Variants in APLF observed in about 807,000 individuals in gnomAD.
The protein encoded by APLF is aprataxin and PNKP like factor.
Under a neutral mutation model 55.6 loss-of-function variants are expected in APLF, and 61 were observed. The ratio of observed to expected loss-of-function variants is 1.10; its 90% CI spans 0.89 to 1.36. The LOEUF (loss-of-function observed/expected upper bound fraction) is 1.36, where lower values mean the gene tolerates loss of function less well. APLF is among the 40% of genes most tolerant of loss of function. The pLI is 0.00. For missense variants in APLF, 611 were observed against 602.5 expected (o/e 1.01, Z -0.15); for synonymous variants, 207 against 214.8 (o/e 0.96, Z 0.32).
intron 6 of APLF, chr2:68,528,665 G>A (rs200015662): frequency 0.029 from 43,921 of 1,508,812 alleles, 638 homozygotes; most frequent in Non-Finnish European, 0.035. Context: ...GGAGCAGCCC[G>A]GAACTGGGGC....
chr2:68,538,342 G>T, intron 7 of APLF, 115 bp downstream of exon 7: 1 of 880,424 alleles, frequency 1.1e-6, no homozygotes, highest in Non-Finnish European at 1.7e-6. Context: ...AAAGGTTAGG[G>T]GCTTTATCGT....
At chr2:68,486,340 G>A (rs1676174287) in intron 1 of APLF, among the ~76,000 whole-genome samples, 1 of 152,122 alleles carries the variant, frequency 6.6e-6, no homozygotes, top group African/African-American at 2.4e-5. Context: ...TCCCTGAGAA[G>A]TGGTGCCTTT....
At chr2:68,573,795 G>A (rs115756324) in intron 9 of APLF, among the ~76,000 whole-genome samples, 2,597 of 151,722 alleles carry the variant, frequency 0.017, 41 homozygotes, top group Non-Finnish European at 0.025. Context: ...CTCTTAAACT[G>A]TGCTATTTTA....
In APLF at chr2:68,475,744, T is replaced by C. The variant is rs926747224; in HGVS notation, c.96+7917T>C. Among the ~76,000 whole-genome samples, 4 of 152,284 alleles carry C rather than the reference T, an allele frequency of 2.6e-5. No individual in the cohort carries two copies. In the East Asian group the frequency reaches 7.7e-4, roughly 29 times the overall value. ...AATAAGACCGACCTCTTATCAAATA[T>C]TATGGCAGAGTCTCAGCATAGATGA... is the stretch of plus-strand genomic sequence containing the variant. On this transcript the variant is annotated intron_variant, in intron 1 of 9. Transcript: ENST00000303795.
chr2:68,515,402 G>A (rs1051604370), intron 5 of APLF, among the ~76,000 whole-genome samples: 2 of 151,666 alleles, frequency 1.3e-5, no homozygotes, highest in African/African-American at 4.8e-5. Flanking sequence ...TCCCTCAGTA[G>A]AATAATTTCT....
chr2:68,478,872 C>T (rs768177561), intron 1 of APLF, among the ~76,000 whole-genome samples: 2 of 152,116 alleles, frequency 1.3e-5, no homozygotes, highest in Non-Finnish European at 2.9e-5. Context: ...GGTGCTAACC[C>T]CTGAGACTTG....
At chr2:68,507,984 G>A (rs886512843) in intron 3 of APLF, among the ~76,000 whole-genome samples, 45 of 151,580 alleles carry the variant, frequency 3.0e-4, no homozygotes, top group African/African-American at 8.7e-4. Flanking sequence ...TGATGAAAAT[G>A]TCATGATAGT....
chr2:68,477,708 T>G (rs1201078053), intron 1 of APLF, among the ~76,000 whole-genome samples: 1 of 152,174 alleles, frequency 6.6e-6, no homozygotes, highest in East Asian at 1.9e-4. Flanking sequence ...GGAAAGAAGC[T>G]TAATAGACTC....
At chr2:68,488,007 G>T (rs930624822) in intron 1 of APLF, among the ~76,000 whole-genome samples, 2 of 148,070 alleles carry the variant, frequency 1.4e-5, no homozygotes, top group Admixed American at 1.3e-4. Flanking sequence ...TATCTTCGTA[G>T]TGTCAGTGAA....
At chr2:68,556,353 TA>T (rs1261190170) in intron 8 of APLF, among the ~76,000 whole-genome samples, 1 of 152,016 alleles carries the variant, frequency 6.6e-6, no homozygotes, top group African/African-American at 2.4e-5. Context: ...CCTATGGAAA[TA>T]AAAAAAATTT....
At position 68,568,179 on chromosome 2, in the gene APLF, A is replaced by G. The variant is rs967765968; in HGVS notation, c.1333+792A>G. 12 of 695,690 alleles carry G rather than the reference A, an allele frequency of 1.7e-5. No homozygotes were observed. In the African/African-American group the frequency reaches 1.9e-4, roughly 11 times the overall value. 43.1% of individuals were successfully genotyped at this position (695,690 alleles called of 1,614,324 possible). On this transcript the variant is annotated intron_variant, in intron 9 of 9. Transcript: ENST00000303795. ...TACCTTCTGTTTGTTATGCTTCTAA[A>G]CTGTATTTTTCTTCTTTAATAAAAT...
chr2:68,515,160 C>G (rs139882033), intron 5 of APLF, among the ~76,000 whole-genome samples: 1 of 151,666 alleles, frequency 6.6e-6, no homozygotes, highest in Non-Finnish European at 1.5e-5. Flanking sequence ...GAAAAGTGCA[C>G]TATACTTTAT....
At position 68,529,391 on chromosome 2, in the gene APLF, C is replaced by T. The variant is rs1463052441; in HGVS notation, c.804+3149C>T. 7.9e-6 allele frequency: 10 copies of T among 1,272,318 alleles called. No homozygotes were observed. The highest frequency in any genetic ancestry group is 4.5e-5 in the African/African-American group (3 of 66,388). The allele number at this position is 1,272,318 out of a possible 1,614,324, so 78.8% of individuals were successfully genotyped here. A position where few individuals can be genotyped will look rare whatever the true frequency, so the allele number is the denominator to read the frequency against. The stretch of plus-strand genomic sequence containing the variant: ...AGCTGGGAAGGCCTCACGGACAAGA[C>T]GAGCAGGTTGCCGATGGCATGGCCA... On this transcript the variant is annotated intron_variant, in intron 6 of 9. Transcript: ENST00000303795. This position sits in a 1 kb window ranked among gnomAD's most constrained non-coding sequence, Gnocchi z 4.4.
chr2:68,534,165 G>T (rs973886211), intron 6 of APLF, among the ~76,000 whole-genome samples: 1 of 152,208 alleles, frequency 6.6e-6, no homozygotes, highest in African/African-American at 2.4e-5. Flanking sequence ...TTTCTGGCTA[G>T]CATGAATAGA....
chr2:68,526,020 A>T, intron 5 of APLF, 41 bp from the exon 6 acceptor site: 10 of 1,539,472 alleles, frequency 6.5e-6, no homozygotes, highest in Non-Finnish European at 8.8e-6. Context: ...ACATTTGAAG[A>T]TACAGAAGAT....
At chr2:68,478,965 GT>G (rs2103883891) in intron 1 of APLF, among the ~76,000 whole-genome samples, 1 of 152,224 alleles carries the variant, frequency 6.6e-6, no homozygotes, top group African/African-American at 2.4e-5. Context: ...TTCTGAATTG[GT>G]TCTGTCAATG....
At position 68,568,376 on chromosome 2, in the gene APLF, A is replaced by G. The variant is rs899997425; in HGVS notation, c.1333+989A>G. ...GTAAGTGATGAAAGTAAATGATTTC[A>G]CTGTAAGGGAATTCCATTTGACATT... On this transcript the variant is annotated intron_variant, in intron 9 of 9. Coordinates refer to ENST00000303795, the MANE Select transcript of APLF (RefSeq NM_173545.3). 1.1e-5 allele frequency: 10 copies of G among 895,186 alleles called. No homozygotes were observed. The African/African-American group carries it at 1.6e-4, about 15-fold the overall frequency. The allele number at this position is 895,186 out of a possible 1,614,324, so 55.5% of individuals were successfully genotyped here.
chr2:68,524,227 G>T (rs889383499), intron 5 of APLF, among the ~76,000 whole-genome samples: 1 of 152,114 alleles, frequency 6.6e-6, no homozygotes, highest in Admixed American at 6.6e-5. Flanking sequence ...AAAATGATAT[G>T]AACTATTTTC....
intron 4 of APLF, 145 bp downstream of exon 4, chr2:68,513,372 A>G (rs1000460730): frequency 1.3e-5 from 16 of 1,249,630 alleles, no homozygotes; most frequent in Non-Finnish European, 1.7e-5. Context: ...TCTAGAGAAT[A>G]TGGCAGTAAT....
Sources: allele counts gnomAD v4.1 joint callset (sites outside exome capture counted in the v4.1 genomes callset), GRCh38; gene constraint gnomAD v4.1.1; non-coding constraint Gnocchi (gnomAD v3.1); transcripts MANE v1.5; gene names NCBI Gene and HGNC (gene_info 2026-07-23, HGNC 2026-07-21).